Variants in NHLRC2 observed in about 807,000 individuals in gnomAD.
NHLRC2 encodes the protein NHL repeat-containing protein 2.
Under a neutral mutation model 68.1 loss-of-function variants are expected in NHLRC2, and 33 were observed. The ratio of observed to expected loss-of-function variants is 0.48; its 90% confidence interval spans 0.37 to 0.65. NHLRC2 has a LOEUF of 0.65. Among genes scored for constraint, NHLRC2 ranks in the 30% least tolerant of loss-of-function variants. The pLI, the probability that NHLRC2 is intolerant of heterozygous loss-of-function variation, is 0.00. For synonymous variants in NHLRC2, 311 were observed against 309.6 expected, an observed-to-expected ratio of 1.00 and a Z score of -0.05; for missense variants, 761 against 853.8, an observed-to-expected ratio of 0.89 and a Z score of 1.35.
Position 113,896,157 on chromosome 10 carries a change from T to C in NHLRC2, c.1040-1953T>C, listed in dbSNP as rs1018517785. ...GAAATACCATTTGACCCAGCAATCCTATTACTGGGTATATACCCAAAGGAC... is the reference window on the plus strand; with the variant it reads ...GAAATACCATTTGACCCAGCAATCCCATTACTGGGTATATACCCAAAGGAC... On this transcript the variant is annotated intron_variant, in intron 5 of 10. Coordinates refer to ENST00000369301, the MANE Select transcript of NHLRC2 (RefSeq NM_198514.4). Among the ~76,000 whole-genome samples the C allele has an allele frequency of 3.3e-5, 5 of 152,202 alleles. No homozygotes were observed. The South Asian group carries it at 1.0e-3, about 32-fold the overall frequency.
At chr10:113,889,855 T>C (rs1846115784) in intron 5 of NHLRC2, among the ~76,000 whole-genome samples, 1 of 152,230 alleles carries the variant, frequency 6.6e-6, no homozygotes, top group South Asian at 2.1e-4. Context: ...TGTGGTTCCA[T>C]GTATCAGTAA....
intron 2 of NHLRC2, among the ~76,000 whole-genome samples, chr10:113,866,829 A>G (rs745397319): frequency 4.0e-5 from 6 of 151,068 alleles, no homozygotes; most frequent in Admixed American, 3.3e-4. Context: ...ACTCATGACT[A>G]TATTATAGCA....
intron 2 of NHLRC2, among the ~76,000 whole-genome samples, chr10:113,867,764 T>G (rs561786126): frequency 3.5e-4 from 54 of 152,292 alleles, no homozygotes; most frequent in African/African-American, 1.3e-3. Context: ...GTTTTTGTTT[T>G]TTTAGCATCT....
chr10:113,856,864 G>A (rs1421674766), intron 1 of NHLRC2, among the ~76,000 whole-genome samples: 2 of 152,128 alleles, frequency 1.3e-5, no homozygotes, highest in African/African-American at 4.8e-5. Flanking sequence ...TGTATGCTTT[G>A]TTCATTTCTT....
chr10:113,885,785 A>C (rs964229653), intron 5 of NHLRC2, among the ~76,000 whole-genome samples: 91 of 152,178 alleles, frequency 6.0e-4, no homozygotes, highest in African/African-American at 2.1e-3. Flanking sequence ...AGCAAGTACA[A>C]TAGCATTTAA....
intron 10 of NHLRC2, among the ~76,000 whole-genome samples, chr10:113,907,052 A>G (rs1369752111): frequency 2.0e-5 from 3 of 152,234 alleles, no homozygotes; most frequent in African/African-American, 7.2e-5. Context: ...TGCATTAGAT[A>G]AAAGATACTC....
chr10:113,872,109 G>T (rs1004997749), intron 2 of NHLRC2, among the ~76,000 whole-genome samples: 12 of 152,062 alleles, frequency 7.9e-5, no homozygotes, highest in African/African-American at 2.7e-4. Flanking sequence ...CATATCACCA[G>T]CTCTTACAAG....
intron 9 of NHLRC2, 77 bp downstream of exon 9, chr10:113,903,813 C>A: frequency 2.3e-6 from 2 of 868,066 alleles, no homozygotes; most frequent in Non-Finnish European, 3.9e-6. Context: ...CTGACAGAGG[C>A]ATTTTTGGTT....
intron 5 of NHLRC2, among the ~76,000 whole-genome samples, chr10:113,889,428 C>T (rs1294182751): frequency 6.6e-6 from 1 of 151,866 alleles, no homozygotes; most frequent in African/African-American, 2.4e-5. Flanking sequence ...TCAGATGACA[C>T]GGAGTTTTGA....
intron 4 of NHLRC2, 125 bp from the exon 5 acceptor site, chr10:113,884,126 A>G: frequency 1.4e-6 from 1 of 722,366 alleles, no homozygotes; most frequent in Non-Finnish European, 2.2e-6. Flanking sequence ...GCCTTTTTTC[A>G]TAATAAAACT....
chr10:113,883,203 T>C (rs1846051305), intron 4 of NHLRC2, among the ~76,000 whole-genome samples: 1 of 151,906 alleles, frequency 6.6e-6, no homozygotes, highest in Non-Finnish European at 1.5e-5. Flanking sequence ...CCAAAATCTT[T>C]TGATTGTTTC....
chr10:113,878,936 T>A (rs1846010789), intron 3 of NHLRC2, among the ~76,000 whole-genome samples: 2 of 152,188 alleles, frequency 1.3e-5, no homozygotes, highest in Admixed American at 1.3e-4. Context: ...CTTGAATGGC[T>A]TGTCTGCTGG....
intron 2 of NHLRC2, among the ~76,000 whole-genome samples, chr10:113,861,148 G>A (rs1163151386): frequency 6.6e-6 from 1 of 152,118 alleles, no homozygotes; most frequent in Non-Finnish European, 1.5e-5. Context: ...CAATGGAAAT[G>A]ATTAAGGAAC....
At chr10:113,864,070 C>T (rs1845840928) in intron 2 of NHLRC2, among the ~76,000 whole-genome samples, 1 of 152,144 alleles carries the variant, frequency 6.6e-6, no homozygotes, top group African/African-American at 2.4e-5. Context: ...GAAATTCTAA[C>T]ATGGATGAAC....
At position 113,908,500 on chromosome 10, in the gene NHLRC2, T is replaced by C. The variant is rs549221367; in HGVS notation, c.2145T>C (p.Gly715=). 4 of 1,614,076 alleles carry C rather than the reference T, an allele frequency of 2.5e-6. No individual in the cohort carries two copies. Among genetic ancestry groups the C allele is most frequent in the East Asian group, 2.2e-5 (1 of 44,864 alleles). The part of the protein sequence containing the change: ...QPLQITDTQQ[G]CIAPVELRYV... ...TACAAATAACGGATACACAGCAAGGTTGCATAGCTCCAGTAGAGCTCAGGT... is the reference window on the plus strand; with the variant it reads ...TACAAATAACGGATACACAGCAAGGCTGCATAGCTCCAGTAGAGCTCAGGT... Residue 715 remains glycine, a synonymous_variant, in exon 11 of 11, where the codon GGT becomes GGC. Coordinates refer to ENST00000369301, the MANE Select transcript of NHLRC2 (RefSeq NM_198514.4).
rs372779830 is a variant in NHLRC2, at chr10:113,882,760, T to G, written c.910-1491T>G. On this transcript the variant is annotated intron_variant, in intron 4 of 10. Transcript: ENST00000369301. Reference sequence around the variant, plus strand: ...TGTTTTTGTTGTTGTAAGAATCCATTGCTAAATCCAAGGTCATAATTATTT... The same window carrying G: ...TGTTTTTGTTGTTGTAAGAATCCATGGCTAAATCCAAGGTCATAATTATTT... 6.6e-5 allele frequency among the ~76,000 whole-genome samples: 10 copies of G among 151,968 alleles called. No homozygotes were observed. In the South Asian group the frequency reaches 2.1e-3, roughly 31 times the overall value.
Position 113,876,787 on chromosome 10 carries a change from GAC to G in NHLRC2, c.600_601del (p.Asp200GlufsTer7). 6.2e-7 allele frequency: 1 copy of G among 1,612,052 alleles called. No homozygotes were observed. The highest frequency in any genetic ancestry group is 8.5e-7 in the Non-Finnish European group (1 of 1,178,322). The part of the protein sequence containing the change: ...YTSIALKYYK[D>X]RGQIRDNKIG... ...TTCAATTGCTTTAAAGTATTACAAA[GAC>G]AGGGGGCAGATCAGAGATAATAAAA... On this transcript the variant is annotated frameshift_variant, in exon 3 of 11. Transcript: ENST00000369301. LOFTEE classifies it high-confidence loss of function.
At chr10:113,891,374 C>T (rs74941796) in intron 5 of NHLRC2, among the ~76,000 whole-genome samples, 2,540 of 152,128 alleles carry the variant, frequency 0.017, 69 homozygotes, top group African/African-American at 0.056. Context: ...TACTCGGAAG[C>T]GGGTAATGTT....
chr10:113,859,052 G>A (rs1454291239), intron 2 of NHLRC2, among the ~76,000 whole-genome samples: 1 of 152,032 alleles, frequency 6.6e-6, no homozygotes, highest in African/African-American at 2.4e-5. Context: ...GTGATACAAA[G>A]GTTTAAAGTT....
Sources: allele counts gnomAD v4.1 joint callset (sites outside exome capture counted in the v4.1 genomes callset), GRCh38; gene constraint gnomAD v4.1.1; transcripts MANE v1.5; gene names NCBI Gene and HGNC (gene_info 2026-07-23, HGNC 2026-07-21).